KCNH1: variants seen among roughly 807,000 people sequenced by gnomAD.
KCNH1 encodes potassium voltage-gated channel subfamily H member 1.
Under a neutral mutation model 69.2 loss-of-function variants are expected in KCNH1, and 27 were observed. That is an observed-to-expected ratio of 0.39 (90% CI 0.29 to 0.54). The LOEUF is 0.54. Among genes scored for constraint, KCNH1 ranks in the 20% least tolerant of loss-of-function variants. KCNH1 has a pLI of 0.68. For synonymous variants in KCNH1, 456 were observed against 487.7 expected (o/e 0.93, Z 0.86); for missense variants, 798 against 1,261.6 (o/e 0.63, Z 5.57).
chr1:211,014,361 C>T (rs1002652138), intron 6 of KCNH1, among the ~76,000 whole-genome samples: 7 of 152,126 alleles, frequency 4.6e-5, no homozygotes, highest in Non-Finnish European at 8.8e-5. Flanking sequence ...ACCTTTTATC[C>T]TCCGAACATT....
chr1:210,803,268 AT>A (rs574221709), intron 8 of KCNH1, among the ~76,000 whole-genome samples: 150 of 152,200 alleles, frequency 9.9e-4, no homozygotes, highest in Middle Eastern at 3.4e-3. Context: ...AACCCAGCTA[AT>A]TTTTTGTATC....
chr1:211,061,431 T>A (rs1395276721), intron 5 of KCNH1, among the ~76,000 whole-genome samples: 1 of 152,182 alleles, frequency 6.6e-6, no homozygotes, highest in Non-Finnish European at 1.5e-5. Context: ...TTCACCACTG[T>A]TATTCAACAT....
chr1:211,092,380 C>A (rs1457098087), intron 3 of KCNH1, among the ~76,000 whole-genome samples: 1 of 152,184 alleles, frequency 6.6e-6, no homozygotes, highest in Admixed American at 6.5e-5. Context: ...GTAGTAATAA[C>A]CCTGAAATGT....
At chr1:210,773,798 C>A (rs1683799779) in intron 10 of KCNH1, among the ~76,000 whole-genome samples, 1 of 152,178 alleles carries the variant, frequency 6.6e-6, no homozygotes, top group African/African-American at 2.4e-5. Flanking sequence ...TTGTGTTAAT[C>A]TTTTCCATTA....
intron 10 of KCNH1, among the ~76,000 whole-genome samples, chr1:210,750,608 C>T (rs1683261110): frequency 6.6e-6 from 1 of 152,220 alleles, no homozygotes; most frequent in South Asian, 2.1e-4. Context: ...ATTATACTGT[C>T]AAATCTCTTA....
chr1:210,838,086 C>T (rs1486097471), intron 7 of KCNH1, among the ~76,000 whole-genome samples: 1 of 152,130 alleles, frequency 6.6e-6, no homozygotes, highest in Non-Finnish European at 1.5e-5. Context: ...TACCTAACTT[C>T]AAACTATACT....
Position 210,838,197 on chromosome 1 carries a change from C to A in KCNH1, c.1463-34031G>T, listed in dbSNP as rs116495879. 4.1e-3 allele frequency among the ~76,000 whole-genome samples: 620 copies of A among 152,288 alleles called. 3 individuals carry two copies. Among genetic ancestry groups the A allele is most frequent in the Non-Finnish European group, 7.2e-3 (487 of 68,024 alleles). ...ACCCAGAAACAGGACCACACAGCTA[C>A]AACCATCTGATCTTGGACAAACCTG... On this transcript the variant is annotated intron_variant, in intron 7 of 10. Transcript: ENST00000271751.
intron 5 of KCNH1, among the ~76,000 whole-genome samples, chr1:211,044,978 G>A (rs72759516): frequency 0.18 from 26,168 of 143,370 alleles, 2,510 homozygotes; most frequent in Non-Finnish European, 0.2. Context: ...AGCACAGTTC[G>A]CAATTGCAAA....
At chr1:211,003,868 C>T (rs1327483869) in intron 6 of KCNH1, among the ~76,000 whole-genome samples, 8 of 152,050 alleles carry the variant, frequency 5.3e-5, no homozygotes, top group South Asian at 4.1e-4. Context: ...CCGAGGCAGG[C>T]GGATCACGAG....
At chr1:210,841,554 G>T (rs770327206) in intron 7 of KCNH1, among the ~76,000 whole-genome samples, 1 of 152,142 alleles carries the variant, frequency 6.6e-6, no homozygotes, top group Non-Finnish European at 1.5e-5. Flanking sequence ...TTAAGAAATT[G>T]ACATGTTTCT....
chr1:210,728,104 C>T (rs1035120742), intron 10 of KCNH1, among the ~76,000 whole-genome samples: 5 of 152,208 alleles, frequency 3.3e-5, no homozygotes, highest in Non-Finnish European at 5.9e-5. Context: ...GGGTTGTTAT[C>T]AGAACCTACA....
intron 6 of KCNH1, among the ~76,000 whole-genome samples, chr1:210,966,389 T>C (rs976474646): frequency 1.3e-5 from 2 of 152,018 alleles, no homozygotes; most frequent in Non-Finnish European, 2.9e-5. Flanking sequence ...CAAATGGGAT[T>C]TAATTAGACT....
rs1685930736 is a variant in KCNH1, at chr1:210,859,617, T to G, written c.1463-55451A>C. ...CCTCGGTTTCATCATCATATTCAGC[T>G]TCATCATCATCACTGTCATTCTTGT... On this transcript the variant is annotated intron_variant, in intron 7 of 10. Transcript: ENST00000271751. 4 of 1,373,178 alleles carry G rather than the reference T, an allele frequency of 2.9e-6. No individual in the cohort carries two copies. In the South Asian group the frequency reaches 3.5e-5, roughly 12 times the overall value. 85.1% of individuals were successfully genotyped at this position (1,373,178 alleles called of 1,614,324 possible).
intron 10 of KCNH1, among the ~76,000 whole-genome samples, chr1:210,701,229 A>G (rs1013767582): frequency 1.3e-5 from 2 of 151,960 alleles, no homozygotes; most frequent in Non-Finnish European, 2.9e-5. Flanking sequence ...GAGCCACCAC[A>G]CCCGGCCCTT....
At chr1:210,731,077 G>C (rs1034255813) in intron 10 of KCNH1, among the ~76,000 whole-genome samples, 1 of 152,156 alleles carries the variant, frequency 6.6e-6, no homozygotes, top group Non-Finnish European at 1.5e-5. Flanking sequence ...AGGAAGAAAA[G>C]GTTTGAGAGT....
At chr1:210,846,845 A>G (rs1574292839) in intron 7 of KCNH1, among the ~76,000 whole-genome samples, 1 of 152,194 alleles carries the variant, frequency 6.6e-6, no homozygotes, top group African/African-American at 2.4e-5. Flanking sequence ...ACAAAGGGCT[A>G]ATATCCAGAA....
chr1:211,050,530 C>T (rs1461422401), intron 5 of KCNH1, among the ~76,000 whole-genome samples: 1 of 152,150 alleles, frequency 6.6e-6, no homozygotes, highest in Non-Finnish European at 1.5e-5. Flanking sequence ...CACTACAGTC[C>T]AGGACCAACC....
intron 7 of KCNH1, among the ~76,000 whole-genome samples, chr1:210,898,683 G>GT (rs916784445): frequency 4.6e-5 from 7 of 151,388 alleles, no homozygotes; most frequent in South Asian, 4.3e-4. Flanking sequence ...CGTGGCGGCG[G>GT]GGGGGGGTCC....
chr1:210,749,774 G>A (rs1384833664), intron 10 of KCNH1, among the ~76,000 whole-genome samples: 4 of 134,500 alleles, frequency 3.0e-5, no homozygotes, highest in African/African-American at 8.7e-5. Flanking sequence ...ATGGAGCCTC[G>A]CTCTGTCATC....
Sources: gnomAD v4.1 joint callset for allele counts (sites outside exome capture counted in the v4.1 genomes callset) on GRCh38, gnomAD v4.1.1 for gene constraint, MANE v1.5 for transcripts, NCBI Gene and HGNC (gene_info 2026-07-23, HGNC 2026-07-21) for gene names.